LIMCH1: variants seen among roughly 807,000 people sequenced by gnomAD.
LIMCH1 encodes the protein LIM and calponin homology domains 1.
Under a neutral mutation model 176.5 loss-of-function variants are expected in LIMCH1, and 113 were observed. That is an observed-to-expected ratio of 0.64 (90% confidence interval 0.55 to 0.75). LIMCH1 has a LOEUF of 0.75. Ranked by LOEUF, LIMCH1 falls within the 30% of genes least tolerant of loss-of-function variation. The probability of loss-of-function intolerance (pLI) is 0.00; values close to 1 mark genes in which losing one functional copy is unlikely to be tolerated. For missense variants in LIMCH1, 1,674 were observed against 1,814.9 expected, an observed-to-expected ratio of 0.92 and a Z score of 1.41; for synonymous variants, 619 against 645.9, an observed-to-expected ratio of 0.96 and a Z score of 0.63.
At chr4:41,470,236 C>T (rs1380134690) in intron 1 of LIMCH1, among the ~76,000 whole-genome samples, 12 of 152,178 alleles carry the variant, frequency 7.9e-5, no homozygotes, top group Admixed American at 3.9e-4. Flanking sequence ...CTAAAAGCAA[C>T]CTGAAGAGAA....
intron 1 of LIMCH1, among the ~76,000 whole-genome samples, chr4:41,548,066 G>A (rs1189310052): frequency 6.6e-6 from 1 of 151,410 alleles, no homozygotes; most frequent in African/African-American, 2.4e-5. Context: ...AGGAATAAAG[G>A]CATATGGATC....
intron 1 of LIMCH1, among the ~76,000 whole-genome samples, chr4:41,574,329 T>G (rs796526660): frequency 5.2e-5 from 7 of 133,978 alleles, no homozygotes; most frequent in African/African-American, 1.7e-4. Flanking sequence ...AACCTTGCTG[T>G]GTCGACCAGG....
At chr4:41,549,448 T>A (rs746971085) in intron 1 of LIMCH1, among the ~76,000 whole-genome samples, 5 of 152,228 alleles carry the variant, frequency 3.3e-5, no homozygotes, top group Non-Finnish European at 5.9e-5. Flanking sequence ...CCCAGGAGGC[T>A]GATGCCTTGC....
rs1488114216 is a variant in LIMCH1 at position 41,631,043 on chromosome 4, T to C, written c.1272-105T>C. 6 of 965,218 alleles carry C rather than the reference T, an allele frequency of 6.2e-6. No individual in the cohort carries two copies. In the East Asian group the frequency reaches 1.1e-4, roughly 17 times the overall value. The allele number at this position is 965,218 out of a possible 1,614,324, so 59.8% of individuals were successfully genotyped here. On this transcript the variant is annotated intron_variant, in intron 9 of 31. Transcript: ENST00000503057. The stretch of plus-strand genomic sequence containing the variant: ...GTCAGTGGGATGCCGAACTCACTGA[T>C]AGGGAGGGCCAACTACTTCTAGTTT...
intron 1 of LIMCH1, among the ~76,000 whole-genome samples, chr4:41,480,962 C>T (rs7681185): frequency 0.034 from 5,223 of 151,914 alleles, 298 homozygotes; most frequent in African/African-American, 0.12. Flanking sequence ...TACAAGGGCT[C>T]GATCAGAGGA....
intron 2 of LIMCH1, among the ~76,000 whole-genome samples, chr4:41,502,980 T>C (rs1045083242): frequency 1.3e-5 from 2 of 149,794 alleles, no homozygotes; most frequent in African/African-American, 5.0e-5. Flanking sequence ...TTGAATTGTG[T>C]TATCTGACTG....
At chr4:41,506,575 G>A (rs961244426) in intron 2 of LIMCH1, among the ~76,000 whole-genome samples, 1 of 152,184 alleles carries the variant, frequency 6.6e-6, no homozygotes, top group Non-Finnish European at 1.5e-5. Flanking sequence ...GTAAACCAGT[G>A]TACGAGTAAA....
chr4:41,671,241 T>C (rs1293216318), intron 21 of LIMCH1, among the ~76,000 whole-genome samples: 1 of 152,142 alleles, frequency 6.6e-6, no homozygotes, highest in East Asian at 1.9e-4. Flanking sequence ...GAATCAGTAC[T>C]AATAGGAACA....
At chr4:41,673,539 G>A (rs146485262) in intron 22 of LIMCH1, among the ~76,000 whole-genome samples, 128 of 152,238 alleles carry the variant, frequency 8.4e-4, no homozygotes, top group African/African-American at 2.9e-3. Context: ...AATAAGTAGC[G>A]CTTCAAGAGG....
chr4:41,479,283 C>T (rs770624710), intron 1 of LIMCH1, among the ~76,000 whole-genome samples: 1 of 152,154 alleles, frequency 6.6e-6, no homozygotes, highest in Non-Finnish European at 1.5e-5. Flanking sequence ...AATAGTATTT[C>T]ACTTGGTCCT....
rs867961741 is a variant in LIMCH1, at chr4:41,504,181, T to A, written c.167+9575T>A. The stretch of plus-strand genomic sequence containing the variant: ...AGAATAAGGCCCCTCCATTTTCAGC[T>A]CTGTCCAACCTCAGGGTCTGTCTCT... On this transcript the variant is annotated intron_variant, in intron 2 of 26. Coordinates refer to the LIMCH1 transcript ENST00000313860. 2.6e-4 allele frequency among the ~76,000 whole-genome samples: 39 copies of A among 152,330 alleles called. 1 individual carries two copies. The highest frequency in any genetic ancestry group is 7.9e-4 in the African/African-American group (33 of 41,580).
intron 28 of LIMCH1, among the ~76,000 whole-genome samples, chr4:41,687,132 T>A (rs1293722612): frequency 1.3e-5 from 2 of 152,174 alleles, no homozygotes; most frequent in African/African-American, 4.8e-5. Flanking sequence ...TATTTTTCTT[T>A]CCCTTGTTCT....
At chr4:41,459,039 T>C (rs930868633) in intron 1 of LIMCH1, among the ~76,000 whole-genome samples, 16 of 152,110 alleles carry the variant, frequency 1.1e-4, no homozygotes, top group African/African-American at 3.9e-4. Flanking sequence ...AGAGTTCTTA[T>C]AAGGAACTAG....
At chr4:41,481,593 C>G (rs2068636099) in intron 1 of LIMCH1, among the ~76,000 whole-genome samples, 3 of 152,212 alleles carry the variant, frequency 2.0e-5, no homozygotes, top group Non-Finnish European at 4.4e-5. Flanking sequence ...CCTCAGGTGG[C>G]AACTGCAGTT....
intron 1 of LIMCH1, among the ~76,000 whole-genome samples, chr4:41,457,871 G>A (rs2064812009): frequency 6.6e-6 from 1 of 152,026 alleles, no homozygotes; most frequent in South Asian, 2.1e-4. Context: ...ATTTAGTAAA[G>A]GTATTAAAAT....
At chr4:41,513,453 T>C (rs2075177372) in intron 2 of LIMCH1, among the ~76,000 whole-genome samples, 1 of 152,180 alleles carries the variant, frequency 6.6e-6, no homozygotes, top group South Asian at 2.1e-4. Context: ...GTTTTCTCCT[T>C]GCCCCATTTG....
intron 1 of LIMCH1, among the ~76,000 whole-genome samples, chr4:41,444,304 GTA>G (rs771592141): frequency 0.017 from 1,619 of 95,086 alleles, 3 homozygotes; most frequent in Middle Eastern, 0.034. Flanking sequence ...GAGTGTGTGT[GTA>G]TATATATACA....
chr4:41,570,607 C>G lies in LIMCH1; in HGVS notation c.-240-28313C>G, dbSNP rs963586961. Reference sequence around the variant, plus strand: ...TGAGGAAAGGAGGAAATTATAATTTCCACCATCTGTAACAGTGGCCCTGCT... The same window carrying G: ...TGAGGAAAGGAGGAAATTATAATTTGCACCATCTGTAACAGTGGCCCTGCT... On this transcript the variant is annotated intron_variant, in intron 1 of 31. Transcript: ENST00000503057. Among the ~76,000 whole-genome samples, 7 of 152,142 alleles carry G rather than the reference C, an allele frequency of 4.6e-5. No homozygotes were observed. In the South Asian group the frequency reaches 1.4e-3, roughly 31 times the overall value.
chr4:41,663,172 T>A (rs888911548), intron 20 of LIMCH1, among the ~76,000 whole-genome samples, 188 bp downstream of exon 20: 36 of 147,102 alleles, frequency 2.4e-4, no homozygotes, highest in Admixed American at 8.8e-4. Context: ...TGTGTGTGTG[T>A]GATGGAGTTT....
Sources: gnomAD v4.1 joint callset for allele counts (sites outside exome capture counted in the v4.1 genomes callset) on GRCh38, gnomAD v4.1.1 for gene constraint, MANE v1.5 for transcripts, NCBI Gene and HGNC (gene_info 2026-07-23, HGNC 2026-07-21) for gene names.